CUL1: variants seen among roughly 807,000 people sequenced by gnomAD.
The protein encoded by CUL1 is cullin 1.
In CUL1, 24 loss-of-function variants were observed where a neutral mutation model predicts 118.0. The ratio of observed to expected loss-of-function variants is 0.20; its 90% CI spans 0.15 to 0.29. The LOEUF (loss-of-function observed/expected upper bound fraction) is 0.29, where lower values mean the gene tolerates loss of function less well. CUL1 is among the 10% of genes least tolerant of loss of function. The pLI, the probability that CUL1 is intolerant of heterozygous loss-of-function variation, is 1.00. For synonymous variants in CUL1, 332 were observed against 340.4 expected, an observed-to-expected ratio of 0.98 and a Z score of 0.27; for missense variants, 361 against 933.8, an observed-to-expected ratio of 0.39 and a Z score of 7.99.
chr7:148,712,475 A>G (rs565690330), intron 1 of CUL1, among the ~76,000 whole-genome samples: 29 of 152,328 alleles, frequency 1.9e-4, no homozygotes, highest in African/African-American at 6.7e-4. Context: ...CTCTGGTGTC[A>G]TCAGTTATCA....
chr7:148,798,325 G>A (rs1304541621), intron 19 of CUL1, among the ~76,000 whole-genome samples: 1 of 152,110 alleles, frequency 6.6e-6, no homozygotes, highest in Non-Finnish European at 1.5e-5. Context: ...ATTTGGGAGA[G>A]CAGATTAGGG....
intron 1 of CUL1, among the ~76,000 whole-genome samples, chr7:148,708,127 C>A (rs964519626): frequency 3.9e-5 from 6 of 152,312 alleles, no homozygotes; most frequent in Admixed American, 6.5e-5. Flanking sequence ...TAACTTGATC[C>A]TCTCTTCTAG....
intron 9 of CUL1, among the ~76,000 whole-genome samples, chr7:148,772,882 G>A (rs543133057): frequency 1.3e-5 from 2 of 152,142 alleles, no homozygotes; most frequent in South Asian, 2.1e-4. Flanking sequence ...CAGCCTGCCT[G>A]TCTCGGTAGC....
At chr7:148,788,762 G>A (rs777305179) in intron 14 of CUL1, 88 bp downstream of exon 14, 1 of 868,662 alleles carries the variant, frequency 1.2e-6, no homozygotes, top group Non-Finnish European at 1.8e-6. Context: ...GTGAAGATGG[G>A]AGGGGCTTTG....
chr7:148,710,839 G>T (rs1255429099), intron 1 of CUL1, among the ~76,000 whole-genome samples: 5 of 151,654 alleles, frequency 3.3e-5, no homozygotes, highest in Non-Finnish European at 7.4e-5. Context: ...AATTTTTTTT[G>T]TGTGTTTTTA....
intron 2 of CUL1, among the ~76,000 whole-genome samples, chr7:148,749,129 G>T (rs188230634): frequency 5.3e-5 from 8 of 152,256 alleles, no homozygotes; most frequent in Admixed American, 5.2e-4. Context: ...TGTAAGGAAA[G>T]AAGTAGTCTG....
At position 148,800,156 on chromosome 7, in the gene CUL1, A is replaced by G. The variant is rs1020373262; in HGVS notation, c.2251-346A>G. Reference sequence around the variant, plus strand: ...CCCCACAGTCCCCTGTTCCCTGTTCATGGCCTCTTCTTGTGAGACTGAGTC... The same window carrying G: ...CCCCACAGTCCCCTGTTCCCTGTTCGTGGCCTCTTCTTGTGAGACTGAGTC... On this transcript the variant is annotated intron_variant, in intron 21 of 21. Coordinates refer to ENST00000325222, the MANE Select transcript of CUL1 (RefSeq NM_003592.3). The surrounding 1 kb of genome is among the most constrained non-coding windows in gnomAD (Gnocchi z 4.6). Among the ~76,000 whole-genome samples the G allele has an allele frequency of 2.0e-5, 3 of 152,166 alleles. No individual in the cohort carries two copies. The highest frequency in any genetic ancestry group is 4.4e-5 in the Non-Finnish European group (3 of 68,038).
chr7:148,788,907 T>G (rs1800911648), intron 14 of CUL1, among the ~76,000 whole-genome samples: 2 of 152,216 alleles, frequency 1.3e-5, no homozygotes, highest in African/African-American at 4.8e-5. Context: ...CACCACCTGT[T>G]GGGATCTGGG....
At chr7:148,793,372 A>C (rs1051591499) in intron 17 of CUL1, among the ~76,000 whole-genome samples, 1 of 152,234 alleles carries the variant, frequency 6.6e-6, no homozygotes, top group South Asian at 2.1e-4. Context: ...TTTTTAGTAT[A>C]TTCACAAGCT....
At chr7:148,704,760 C>T (rs1248867614) in intron 1 of CUL1, among the ~76,000 whole-genome samples, 1 of 152,042 alleles carries the variant, frequency 6.6e-6, no homozygotes, top group East Asian at 1.9e-4. Flanking sequence ...AGAATGTTAG[C>T]ATTGATTGTC....
rs1474186110 is a variant in CUL1, at chr7:148,787,515, GT to G, written c.1479+398del. Among the ~76,000 whole-genome samples the G allele has an allele frequency of 6.6e-6, 1 of 152,138 alleles. No homozygotes were observed. Among genetic ancestry groups the G allele is most frequent in the Non-Finnish European group, 1.5e-5 (1 of 68,008 alleles). ...TCCAGGTTATGAGGCAGGCAGAGGA[GT>G]TTGTGCAGTGGTTTGTACAAGAAGC... On this transcript the variant is annotated intron_variant, in intron 13 of 21. Coordinates refer to ENST00000325222, the MANE Select transcript of CUL1 (RefSeq NM_003592.3). This position sits in a 1 kb window ranked among gnomAD's most constrained non-coding sequence, Gnocchi z 5.5.
At chr7:148,759,199 C>A in intron 4 of CUL1, 105 bp from the exon 5 acceptor site, 2 of 1,139,704 alleles carry the variant, frequency 1.8e-6, no homozygotes, top group Non-Finnish European at 2.6e-6. Context: ...AACTTGTAAT[C>A]TAGAAATTTT....
upstream of CUL1, chr7:148,698,392 G>C (rs243550): frequency 0.23 from 35,349 of 152,254 alleles, 4,858 homozygotes; most frequent in South Asian, 0.4. Flanking sequence ...GACCCAAGCA[G>C]CTCAGCCCCG....
intron 9 of CUL1, among the ~76,000 whole-genome samples, chr7:148,772,144 G>A (rs1167106616): frequency 6.6e-6 from 1 of 152,176 alleles, no homozygotes; most frequent in African/African-American, 2.4e-5. Context: ...TCCGGGCGCA[G>A]TGGCTCACAC....
rs559435048 is a variant in CUL1 at position 148,717,957 on chromosome 7, C to T, written c.-161-12005C>T. The stretch of plus-strand genomic sequence containing the variant: ...TACCTGCAGGCAAAACTTTGACATT[C>T]GTGTTTTCACCTGTTTATATATTGT... On this transcript the variant is annotated intron_variant, in intron 1 of 21. Transcript: ENST00000325222. Among the ~76,000 whole-genome samples the T allele has an allele frequency of 5.9e-5, 9 of 152,320 alleles. No homozygotes were observed. In the South Asian group the frequency reaches 1.2e-3, roughly 21 times the overall value.
At chr7:148,750,138 C>A (rs1417674698) in intron 2 of CUL1, among the ~76,000 whole-genome samples, 2 of 152,156 alleles carry the variant, frequency 1.3e-5, no homozygotes, top group African/African-American at 4.8e-5. Flanking sequence ...AAGAAGCCAT[C>A]TTTTATAACA....
intron 2 of CUL1, among the ~76,000 whole-genome samples, chr7:148,733,001 C>A (rs1202762756): frequency 3.3e-5 from 5 of 152,108 alleles, no homozygotes; most frequent in Admixed American, 3.3e-4. Context: ...ACCATCCACA[C>A]CTCATTAAGC....
Position 148,730,571 on chromosome 7 carries a change from G to A in CUL1, c.140+309G>A, listed in dbSNP as rs776919450. ...ACATTTCTGTCATGTAGAAGGTTCC[G>A]TTGGGCAAAGCTGGTCTAAAGCAAG... On this transcript the variant is annotated intron_variant, in intron 2 of 21. Coordinates refer to ENST00000325222, the MANE Select transcript of CUL1 (RefSeq NM_003592.3). Among the ~76,000 whole-genome samples, 5 of 152,124 alleles carry A rather than the reference G, an allele frequency of 3.3e-5. No homozygotes were observed. In the South Asian group the frequency reaches 8.3e-4, roughly 25 times the overall value.
At chr7:148,729,506 T>C (rs1238456540) in intron 1 of CUL1, among the ~76,000 whole-genome samples, 1 of 152,340 alleles carries the variant, frequency 6.6e-6, no homozygotes, top group East Asian at 1.9e-4. Context: ...CACCAACATT[T>C]GCATTCTTGC....
Sources: allele counts gnomAD v4.1 joint callset (sites outside exome capture counted in the v4.1 genomes callset), GRCh38; gene constraint gnomAD v4.1.1; non-coding constraint Gnocchi (gnomAD v3.1); transcripts MANE v1.5; gene names NCBI Gene and HGNC (gene_info 2026-07-23, HGNC 2026-07-21).